Variants in NOL4 observed in about 807,000 individuals in gnomAD.
The protein encoded by NOL4 is cancer/testis antigen 125.
In NOL4, 17 loss-of-function variants were observed where a neutral mutation model predicts 75.9. The ratio of observed to expected loss-of-function variants is 0.22; its 90% confidence interval spans 0.15 to 0.34. The LOEUF is 0.34. Among genes scored for constraint, NOL4 ranks in the 10% least tolerant of loss-of-function variants. The pLI is 1.00. For missense variants in NOL4, 614 were observed against 793.5 expected (o/e 0.77, Z 2.72); for synonymous variants, 292 against 289.9 (o/e 1.01, Z -0.07).
At chr18:33,976,750 G>A (rs2071518069) in intron 6 of NOL4, among the ~76,000 whole-genome samples, 1 of 152,084 alleles carries the variant, frequency 6.6e-6, no homozygotes, top group South Asian at 2.1e-4. Context: ...TTGAGTTAGA[G>A]GTGAGCCTTG....
intron 6 of NOL4, among the ~76,000 whole-genome samples, chr18:34,011,806 T>A (rs906032791): frequency 6.6e-6 from 1 of 151,852 alleles, no homozygotes; most frequent in Admixed American, 6.6e-5. Flanking sequence ...AAAAATACAA[T>A]CTATAACTAA....
intron 1 of NOL4, among the ~76,000 whole-genome samples, chr18:34,208,881 T>C (rs1016516190): frequency 2.0e-5 from 3 of 150,084 alleles, no homozygotes; most frequent in Non-Finnish European, 4.4e-5. Context: ...AAAAGAAAAC[T>C]GTAATTATCA....
rs114961805 is a variant in NOL4, at chr18:33,899,700, C to T, written c.1543-16276G>A. Among the ~76,000 whole-genome samples, 1,163 of 152,214 alleles carry T rather than the reference C, an allele frequency of 7.6e-3. 8 individuals carry two copies. The highest frequency in any genetic ancestry group is 0.022 in the African/African-American group (896 of 41,554). ...GACAAGTTGCTCTGGTGTTTACAGC[C>T]GGGAACTCCCTTTTCCCTCTGTTTG... On this transcript the variant is annotated intron_variant, in intron 9 of 10. Transcript: ENST00000261592.
intron 6 of NOL4, among the ~76,000 whole-genome samples, chr18:33,977,486 T>A (rs1245046389): frequency 6.6e-6 from 1 of 152,174 alleles, no homozygotes; most frequent in Admixed American, 6.6e-5. Flanking sequence ...ACTTTGTTCC[T>A]CTTTCGCCTT....
At chr18:34,002,445 C>T (rs1010545798) in intron 6 of NOL4, among the ~76,000 whole-genome samples, 2 of 152,000 alleles carry the variant, frequency 1.3e-5, no homozygotes, top group Admixed American at 6.6e-5. Context: ...GATATTATAC[C>T]TTCTGGAGAA....
intron 10 of NOL4, among the ~76,000 whole-genome samples, chr18:33,877,120 A>AAAT (rs2063973909): frequency 6.6e-6 from 1 of 152,012 alleles, no homozygotes; most frequent in Non-Finnish European, 1.5e-5. Context: ...TGCATGCCAT[A>AAAT]CTGATTAATC....
At chr18:34,137,777 A>AATATACAC (rs111423797) in intron 1 of NOL4, among the ~76,000 whole-genome samples, 2 of 47,256 alleles carry the variant, frequency 4.2e-5, no homozygotes, top group African/African-American at 1.2e-4. Flanking sequence ...GTATATACGA[A>AATATACAC]ATACACACAC....
intron 5 of NOL4, among the ~76,000 whole-genome samples, chr18:34,033,159 G>A (rs1482624136): frequency 6.6e-6 from 1 of 151,870 alleles, no homozygotes; most frequent in Admixed American, 6.6e-5. Flanking sequence ...AAGCAAAAAC[G>A]TATGACACCT....
intron 1 of NOL4, chr18:34,157,294 A>G (rs943214121): frequency 2.0e-5 from 3 of 148,544 alleles, no homozygotes; most frequent in African/African-American, 7.4e-5. Context: ...TGCCAGTAAG[A>G]AAATTTCATT....
At position 33,891,519 on chromosome 18, in the gene NOL4, G is replaced by C. The variant is rs566117586; in HGVS notation, c.1543-8095C>G. 3.9e-5 allele frequency among the ~76,000 whole-genome samples: 6 copies of C among 152,266 alleles called. No homozygotes were observed. The South Asian group carries it at 6.2e-4, about 16-fold the overall frequency. On this transcript the variant is annotated intron_variant, in intron 9 of 10. Coordinates refer to ENST00000261592, the MANE Select transcript of NOL4 (RefSeq NM_003787.5). ...ATTTTGGGGTCCTTGGGAAAAGGTA[G>C]CCTCAAACAGTCCCAACATTCCTGT...
rs896635476 is a variant in NOL4, at chr18:34,084,651, G to T, written c.772+8814C>A. 5.3e-5 allele frequency among the ~76,000 whole-genome samples: 8 copies of T among 152,086 alleles called. No individual in the cohort carries two copies. In the East Asian group the frequency reaches 1.5e-3, roughly 29 times the overall value. On this transcript the variant is annotated intron_variant, in intron 5 of 10. Coordinates refer to ENST00000261592, the MANE Select transcript of NOL4 (RefSeq NM_003787.5). Reference sequence around the variant, plus strand: ...CCAGTCAAGTGGAGAAATGAGACTGGTAAGAAAATAATTACACTGTAAATT... The same window carrying T: ...CCAGTCAAGTGGAGAAATGAGACTGTTAAGAAAATAATTACACTGTAAATT...
At chr18:34,102,805 T>A (rs2079102457) in intron 4 of NOL4, among the ~76,000 whole-genome samples, 1 of 152,014 alleles carries the variant, frequency 6.6e-6, no homozygotes, top group African/African-American at 2.4e-5. Context: ...AGATAGTTTT[T>A]TTTTATCATT....
chr18:33,945,351 A>G (rs2068764758), intron 8 of NOL4, among the ~76,000 whole-genome samples: 1 of 151,820 alleles, frequency 6.6e-6, no homozygotes. Context: ...ATAGGCACAC[A>G]AGTAACTTAA....
chr18:33,894,787 T>C (rs1053178537), intron 9 of NOL4, among the ~76,000 whole-genome samples: 10 of 152,112 alleles, frequency 6.6e-5, no homozygotes, highest in African/African-American at 2.4e-4. Context: ...ATCAGAGAAG[T>C]AGAGAGTAGA....
intron 5 of NOL4, among the ~76,000 whole-genome samples, chr18:34,092,396 C>CT (rs1163949092): frequency 6.6e-6 from 1 of 152,054 alleles, no homozygotes; most frequent in African/African-American, 2.4e-5. Context: ...ATAACTCATG[C>CT]TAACAAGGAC....
chr18:34,007,734 T>A (rs970247415), intron 6 of NOL4, among the ~76,000 whole-genome samples: 1 of 152,070 alleles, frequency 6.6e-6, no homozygotes, highest in Non-Finnish European at 1.5e-5. Context: ...ACATCATTCA[T>A]GGATTTTACC....
At chr18:33,971,417 A>T (rs1045531077) in intron 6 of NOL4, among the ~76,000 whole-genome samples, 2 of 152,228 alleles carry the variant, frequency 1.3e-5, no homozygotes, top group African/African-American at 4.8e-5. Flanking sequence ...GTCCTTTACA[A>T]GATAGGAAAA....
At chr18:34,119,471 A>G (rs1386971257) in intron 2 of NOL4, among the ~76,000 whole-genome samples, 2 of 152,096 alleles carry the variant, frequency 1.3e-5, no homozygotes, top group Non-Finnish European at 2.9e-5. Flanking sequence ...CCAATGCACC[A>G]TTTGTAGAAA....
intron 2 of NOL4, among the ~76,000 whole-genome samples, chr18:34,115,853 C>T (rs1240962606): frequency 6.6e-6 from 1 of 152,024 alleles, no homozygotes; most frequent in Non-Finnish European, 1.5e-5. Context: ...TCAGTGTCAC[C>T]CCAGACAATG....
Sources: allele counts gnomAD v4.1 joint callset (sites outside exome capture counted in the v4.1 genomes callset), GRCh38; gene constraint gnomAD v4.1.1; transcripts MANE v1.5; gene names NCBI Gene and HGNC (gene_info 2026-07-23, HGNC 2026-07-21).